OR2AG1: variants seen among roughly 807,000 people sequenced by gnomAD.
The protein encoded by OR2AG1 is olfactory receptor family 2 subfamily AG member 1, also known as olfactory receptor 2AG1.
For synonymous variants in OR2AG1, 157 were observed against 155.6 expected, an observed-to-expected ratio of 1.01 and a Z score of -0.07; for missense variants, 391 against 385.9, an observed-to-expected ratio of 1.01 and a Z score of -0.11.
At position 6,786,066 on chromosome 11, in the gene OR2AG1, T is replaced by TA. The variant is rs1373128230; in HGVS notation, c.*82dup. ...CATGTTATGAATCAAATACTAATGG[T>TA]AAAACCAATACAGTGCAGAGTATAG... On this transcript the variant is annotated 3_prime_UTR_variant, in exon 2 of 2. Transcript: ENST00000641258. 9.0e-7 allele frequency: 1 copy of TA among 1,111,480 alleles called. No individual in the cohort carries two copies. The highest frequency in any genetic ancestry group is 1.3e-6 in the Non-Finnish European group (1 of 762,198). The allele number at this position is 1,111,480 out of a possible 1,614,324, so 68.9% of individuals were successfully genotyped here.
chr11:6,785,059 T>A lies in OR2AG1; in HGVS notation c.22T>A (p.Leu8Met). MELWNFTLGSGFILVGIL... is the reference protein window; with the variant it reads MELWNFTMGSGFILVGIL... ...CAGCATGGAGCTCTGGAACTTCACC[T>A]TGGGAAGTGGCTTCATTTTGGTGGG... Residue 8 changes from leucine to methionine, a missense_variant, in exon 2 of 2, where the codon TTG becomes ATG. Coordinates refer to ENST00000641258, the MANE Select transcript of OR2AG1 (RefSeq NM_001004489.3). The A allele has an allele frequency of 1.2e-6, 2 of 1,610,404 alleles. No homozygotes were observed. Among genetic ancestry groups the A allele is most frequent in the Non-Finnish European group, 1.7e-6 (2 of 1,177,414 alleles).
In OR2AG1 at chr11:6,785,099, G is replaced by A; in HGVS notation, c.62G>A (p.Ser21Asn). The change falls in exon 2 of 2, where the codon AGT (serine) becomes AAT (asparagine). Residue 21 changes from serine (S) to asparagine (N), a missense_variant. By Grantham distance (46) the Ser-to-Asn change is conservative. Transcript: ENST00000641258. The stretch of plus-strand genomic sequence containing the variant: ...ATTTTGGTGGGGATTCTGAATGACA[G>A]TGGGTCTCCTGAACTGCTCTGTGCT... ...GFILVGILNDSGSPELLCATI... is the reference protein window; with the variant it reads ...GFILVGILNDNGSPELLCATI... 2 of 1,613,992 alleles carry A rather than the reference G, an allele frequency of 1.2e-6. No individual in the cohort carries two copies. Among genetic ancestry groups the A allele is most frequent in the Non-Finnish European group, 1.7e-6 (2 of 1,179,912 alleles).
Position 6,787,569 on chromosome 11 carries a change from T to C in OR2AG1, c.*1581T>C, listed in dbSNP as rs1847641132. The stretch of plus-strand genomic sequence containing the variant: ...ACAGAATAAATGGCCCTGAAAATAC[T>C]GTTGAGTGATGGTATAATGTTACAT... On this transcript the variant is annotated 3_prime_UTR_variant, in exon 2 of 2. Transcript: ENST00000641258. The C allele has an allele frequency of 6.6e-6, 1 of 152,128 alleles. No individual in the cohort carries two copies. Among genetic ancestry groups the C allele is most frequent in the African/African-American group, 2.4e-5 (1 of 41,448 alleles). The allele number at this position is 152,128 out of a possible 1,614,324, so 9.4% of individuals were successfully genotyped here. A position where few individuals can be genotyped will look rare whatever the true frequency, so the allele number is the denominator to read the frequency against.
intron 1 of OR2AG1, 60 bp from the exon 2 acceptor site, chr11:6,784,958 G>A: frequency 1.2e-6 from 1 of 864,650 alleles, no homozygotes; most frequent in Non-Finnish European, 1.8e-6. Context: ...AGAAGCCTCT[G>A]ATATTTCAAA....
rs775199074 is a variant in OR2AG1 at position 6,783,290 on chromosome 11, C to G, written c.-202C>G. 6.6e-6 allele frequency: 1 copy of G among 152,244 alleles called. No individual in the cohort carries two copies. Among genetic ancestry groups the G allele is most frequent in the Admixed American group, 6.5e-5 (1 of 15,278 alleles). 9.4% of individuals were successfully genotyped at this position (152,244 alleles called of 1,614,324 possible). On this transcript the variant is annotated 5_prime_UTR_variant, in exon 1 of 2. Transcript: ENST00000641258. ...GATAAGTGGAAGGAATAGAAGGGCCCTGACATCTGATCTCACTAGTACTTT... is the reference window on the plus strand; with the variant it reads ...GATAAGTGGAAGGAATAGAAGGGCCGTGACATCTGATCTCACTAGTACTTT...
rs531372037 is a variant in OR2AG1, at chr11:6,787,929, A to G, written c.*1941A>G. 2.0e-5 allele frequency: 3 copies of G among 152,318 alleles called. No individual in the cohort carries two copies. Among genetic ancestry groups the G allele is most frequent in the African/African-American group, 4.8e-5 (2 of 41,580 alleles). The allele number at this position is 152,318 out of a possible 1,614,324, so 9.4% of individuals were successfully genotyped here. A position where few individuals can be genotyped will look rare whatever the true frequency, so the allele number is the denominator to read the frequency against. ...TATTTTTTCATGTTAAATTTTACAT[A>G]TAAGTAGTCTTCACTAATTGATAAG... On this transcript the variant is annotated 3_prime_UTR_variant, in exon 2 of 2. Transcript: ENST00000641258.
intron 1 of OR2AG1, 64 bp from the exon 2 acceptor site, chr11:6,784,954 C>G: frequency 1.2e-6 from 1 of 828,146 alleles, no homozygotes. Flanking sequence ...CCTAAGAAGC[C>G]TCTGATATTT....
In OR2AG1 at chr11:6,788,132, G is replaced by T. The variant is rs1405728239; in HGVS notation, c.*2144G>T. On this transcript the variant is annotated 3_prime_UTR_variant, in exon 2 of 2. Coordinates refer to ENST00000641258, the MANE Select transcript of OR2AG1 (RefSeq NM_001004489.3). Reference sequence around the variant, plus strand: ...TGCATGGCAGAGATTTTTAGAAAGAGAAATATTTAAAATATTTGTATAGTG... The same window carrying T: ...TGCATGGCAGAGATTTTTAGAAAGATAAATATTTAAAATATTTGTATAGTG... 6.6e-6 allele frequency: 1 copy of T among 152,006 alleles called. No individual in the cohort carries two copies. The highest frequency in any genetic ancestry group is 1.9e-4 in the East Asian group (1 of 5,186). The allele number at this position is 152,006 out of a possible 1,614,324, so 9.4% of individuals were successfully genotyped here. A position where few individuals can be genotyped will look rare whatever the true frequency, so the allele number is the denominator to read the frequency against.
In OR2AG1 at chr11:6,788,046, G is replaced by A. The variant is rs1164887515; in HGVS notation, c.*2058G>A. On this transcript the variant is annotated 3_prime_UTR_variant, in exon 2 of 2. Coordinates refer to ENST00000641258, the MANE Select transcript of OR2AG1 (RefSeq NM_001004489.3). ...AGTTTTTTTACAGGTTAGGAACACG[G>A]AGACTTTGTTATATTTGTGGTAATA... 3 of 152,230 alleles carry A rather than the reference G, an allele frequency of 2.0e-5. No individual in the cohort carries two copies. The South Asian group carries it at 6.2e-4, about 32-fold the overall frequency. The allele number at this position is 152,230 out of a possible 1,614,324, so 9.4% of individuals were successfully genotyped here.
In OR2AG1 at chr11:6,790,553, T is replaced by C. The variant is rs868539915; in HGVS notation, c.*4565T>C. On this transcript the variant is annotated 3_prime_UTR_variant, in exon 2 of 2. Coordinates refer to ENST00000641258, the MANE Select transcript of OR2AG1 (RefSeq NM_001004489.3). ...ACATTCTAGTCATATTTGTCAACCATATCTCAATAAAGTTGGAAAAAAAAG... is the reference window on the plus strand; with the variant it reads ...ACATTCTAGTCATATTTGTCAACCACATCTCAATAAAGTTGGAAAAAAAAG... 6 of 152,150 alleles carry C rather than the reference T, an allele frequency of 3.9e-5. No individual in the cohort carries two copies. The highest frequency in any genetic ancestry group is 6.5e-5 in the Admixed American group (1 of 15,276). 9.4% of individuals were successfully genotyped at this position (152,150 alleles called of 1,614,324 possible). A position where few individuals can be genotyped will look rare whatever the true frequency, so the allele number is the denominator to read the frequency against.
At position 6,786,398 on chromosome 11, in the gene OR2AG1, C is replaced by A. The variant is rs1847628344; in HGVS notation, c.*410C>A. ...AGGGGGAGATGTCTTGAGATTTGCACAAATTTAGACCAACTGACCTTATTA... is the reference window on the plus strand; with the variant it reads ...AGGGGGAGATGTCTTGAGATTTGCAAAAATTTAGACCAACTGACCTTATTA... On this transcript the variant is annotated 3_prime_UTR_variant, in exon 2 of 2. Transcript: ENST00000641258. 1 of 163,414 alleles carries A rather than the reference C, an allele frequency of 6.1e-6. No individual in the cohort carries two copies. 10.1% of individuals were successfully genotyped at this position (163,414 alleles called of 1,614,324 possible).
At position 6,785,031 on chromosome 11, in the gene OR2AG1, C is replaced by A. The variant is rs189622302; in HGVS notation, c.-7C>A. 3.2e-6 allele frequency: 5 copies of A among 1,578,272 alleles called. No homozygotes were observed. In the African/African-American group the frequency reaches 5.4e-5, roughly 17 times the overall value. ...ATCTTGTTCTAGGTGATGAAAGAAA[C>A]CACAGCATGGAGCTCTGGAACTTCA... is the stretch of plus-strand genomic sequence containing the variant. On this transcript the variant is annotated 5_prime_UTR_variant, in exon 2 of 2. Coordinates refer to ENST00000641258, the MANE Select transcript of OR2AG1 (RefSeq NM_001004489.3).
At position 6,788,707 on chromosome 11, in the gene OR2AG1, C is replaced by G. The variant is rs2133030344; in HGVS notation, c.*2719C>G. 1 of 152,252 alleles carries G rather than the reference C, an allele frequency of 6.6e-6. No homozygotes were observed. Among genetic ancestry groups the G allele is most frequent in the South Asian group, 2.1e-4 (1 of 4,828 alleles). 9.4% of individuals were successfully genotyped at this position (152,252 alleles called of 1,614,324 possible). A position where few individuals can be genotyped will look rare whatever the true frequency, so the allele number is the denominator to read the frequency against. ...GAACATTCCACACCATCATTCTAAG[C>G]TGATGCCTTGCCTCACACTTCACTA... is the stretch of plus-strand genomic sequence containing the variant. On this transcript the variant is annotated 3_prime_UTR_variant, in exon 2 of 2. Transcript: ENST00000641258.
rs60349251 is a variant in OR2AG1 at position 6,788,907 on chromosome 11, A to AAAATAAATAAATAAAT, written c.*2951_*2966dup. On this transcript the variant is annotated 3_prime_UTR_variant, in exon 2 of 2. Coordinates refer to ENST00000641258, the MANE Select transcript of OR2AG1 (RefSeq NM_001004489.3). The stretch of plus-strand genomic sequence containing the variant: ...GGGCAACAGAGTGAGATTCTGTCAC[A>AAAATAAATAAATAAAT]AAATAAATAAATAAATAAATAAATA... 211 of 138,554 alleles carry AAAATAAATAAATAAAT rather than the reference A, an allele frequency of 1.5e-3. No homozygotes were observed. The highest frequency in any genetic ancestry group is 2.8e-3 in the African/African-American group (104 of 36,796). 8.6% of individuals were successfully genotyped at this position (138,554 alleles called of 1,614,324 possible). A position where few individuals can be genotyped will look rare whatever the true frequency, so the allele number is the denominator to read the frequency against.
rs1404944805 is a variant in OR2AG1 at position 6,783,193 on chromosome 11, A to G, written c.-299A>G. The G allele has an allele frequency of 6.6e-5, 10 of 152,224 alleles. No individual in the cohort carries two copies. Among genetic ancestry groups the G allele is most frequent in the Admixed American group, 5.9e-4 (9 of 15,270 alleles). 9.4% of individuals were successfully genotyped at this position (152,224 alleles called of 1,614,324 possible). A position where few individuals can be genotyped will look rare whatever the true frequency, so the allele number is the denominator to read the frequency against. On this transcript the variant is annotated 5_prime_UTR_variant, in exon 1 of 2. Coordinates refer to ENST00000641258, the MANE Select transcript of OR2AG1 (RefSeq NM_001004489.3). ...AGAACAAGAAAGTAATCTTCTTCCT[A>G]TATAGGAAACTACCCAAATTCTGTA...
Position 6,789,654 on chromosome 11 carries a change from A to AAAAC in OR2AG1, c.*3686_*3689dup, listed in dbSNP as rs140008962. The AAAAC allele has an allele frequency of 0.14, 21,643 of 153,908 alleles. 1,643 individuals are homozygous for AAAAC. The highest frequency in any genetic ancestry group is 0.29 in the East Asian group (1,485 of 5,200). 9.5% of individuals were successfully genotyped at this position (153,908 alleles called of 1,614,324 possible). On this transcript the variant is annotated 3_prime_UTR_variant, in exon 2 of 2. Transcript: ENST00000641258. ...CAACAAGAGCGAAACCCCATCTCAG[A>AAAAC]AAACAAACAAACAAACAAACAAAAA...
intron 1 of OR2AG1, among the ~76,000 whole-genome samples, chr11:6,783,695 G>A (rs1847595025): frequency 6.6e-6 from 1 of 152,186 alleles, no homozygotes; most frequent in Admixed American, 6.5e-5. Context: ...ATGGGTATCT[G>A]CTTCCTGGTG....
In OR2AG1 at chr11:6,789,890, C is replaced by T. The variant is rs1222110052; in HGVS notation, c.*3902C>T. 1 of 152,162 alleles carries T rather than the reference C, an allele frequency of 6.6e-6. No homozygotes were observed. Among genetic ancestry groups the T allele is most frequent in the Admixed American group, 6.5e-5 (1 of 15,270 alleles). 9.4% of individuals were successfully genotyped at this position (152,162 alleles called of 1,614,324 possible). On this transcript the variant is annotated 3_prime_UTR_variant, in exon 2 of 2. Transcript: ENST00000641258. ...ACTACTGTATGATCCAAGATTCCCA[C>T]TTCTGACTATATATCCAAAGGTAAT... is the stretch of plus-strand genomic sequence containing the variant.
At position 6,788,278 on chromosome 11, in the gene OR2AG1, T is replaced by C. The variant is rs554863627; in HGVS notation, c.*2290T>C. The C allele has an allele frequency of 1.1e-3, 167 of 152,344 alleles. No homozygotes were observed. The highest frequency in any genetic ancestry group is 1.1e-3 in the Non-Finnish European group (76 of 68,018). 9.4% of individuals were successfully genotyped at this position (152,344 alleles called of 1,614,324 possible). A position where few individuals can be genotyped will look rare whatever the true frequency, so the allele number is the denominator to read the frequency against. ...TTTAGGTAACAATTTATATATTTTA[T>C]GTGTTTTGTCACTCTATATGTTTAA... On this transcript the variant is annotated 3_prime_UTR_variant, in exon 2 of 2. Coordinates refer to ENST00000641258, the MANE Select transcript of OR2AG1 (RefSeq NM_001004489.3).
Sources: gnomAD v4.1 joint callset for allele counts (sites outside exome capture counted in the v4.1 genomes callset) on GRCh38, gnomAD v4.1.1 for gene constraint, MANE v1.5 for transcripts, NCBI Gene and HGNC (gene_info 2026-07-23, HGNC 2026-07-21) for gene names.